N4BP1: variants seen among roughly 807,000 people sequenced by gnomAD.
N4BP1 encodes the protein NEDD4-binding protein 1.
A neutral mutation model predicts 70.9 loss-of-function variants in N4BP1; 21 were observed. The observed-to-expected ratio is 0.30, with a 90% CI of 0.21 to 0.43. The LOEUF (loss-of-function observed/expected upper bound fraction) is 0.43. N4BP1 is among the 20% of genes least tolerant of loss of function. The probability of loss-of-function intolerance (pLI) is 1.00; values close to 1 mark genes in which losing one functional copy is unlikely to be tolerated. For synonymous variants in N4BP1, 387 were observed against 394.6 expected, an observed-to-expected ratio of 0.98 and a Z score of 0.23; for missense variants, 936 against 1,069.4, an observed-to-expected ratio of 0.88 and a Z score of 1.74.
At chr16:48,577,324 GT>G (rs1384884648) in intron 1 of N4BP1, among the ~76,000 whole-genome samples, 1 of 150,024 alleles carries the variant, frequency 6.7e-6, no homozygotes, top group Non-Finnish European at 1.5e-5. Flanking sequence ...TGTTTTTTTT[GT>G]GTTTTTTGCT....
intron 2 of N4BP1, 187 bp downstream of exon 2, chr16:48,560,567 A>G: frequency 3.2e-6 from 2 of 633,654 alleles, no homozygotes; most frequent in Non-Finnish European, 5.2e-6. Context: ...AGTAAAGTTC[A>G]TGAATCCAGA....
intron 1 of N4BP1, among the ~76,000 whole-genome samples, chr16:48,586,966 C>G (rs1375051331): frequency 6.6e-6 from 1 of 152,144 alleles, no homozygotes; most frequent in Non-Finnish European, 1.5e-5. Flanking sequence ...CAAATAAACA[C>G]TGCTCCAATC....
rs528752601 is a variant in N4BP1, at chr16:48,593,070, G to A, written c.198+16705C>T. On this transcript the variant is annotated intron_variant, in intron 1 of 6. Coordinates refer to ENST00000262384, the MANE Select transcript of N4BP1 (RefSeq NM_153029.4). ...ATGTTATACAATTTAAAGATTATTA[G>A]GTCCCCTAAATATTTCATAAACTGC... Among the ~76,000 whole-genome samples, 18 of 152,124 alleles carry A rather than the reference G, an allele frequency of 1.2e-4. 1 individual carries two copies. In the South Asian group the frequency reaches 3.3e-3, roughly 28 times the overall value.
chr16:48,544,066 G>C (rs550681729), intron 6 of N4BP1, among the ~76,000 whole-genome samples: 4 of 152,184 alleles, frequency 2.6e-5, no homozygotes, highest in Non-Finnish European at 4.4e-5. Context: ...CACAGGCCTC[G>C]GGCCTGAAGC....
intron 2 of N4BP1, among the ~76,000 whole-genome samples, chr16:48,554,695 T>C (rs1356052044): frequency 4.6e-5 from 7 of 152,178 alleles, no homozygotes; most frequent in Non-Finnish European, 1.5e-5. Flanking sequence ...AGTCCTATCT[T>C]CTCTCCATGT....
At chr16:48,589,106 A>G (rs773390600) in intron 1 of N4BP1, among the ~76,000 whole-genome samples, 6 of 152,224 alleles carry the variant, frequency 3.9e-5, no homozygotes, top group Non-Finnish European at 8.8e-5. Flanking sequence ...TGTCTGGCAT[A>G]AAAGACAATC....
chr16:48,549,605 C>T (rs540164327), intron 4 of N4BP1, among the ~76,000 whole-genome samples: 1 of 152,344 alleles, frequency 6.6e-6, no homozygotes, highest in Admixed American at 6.5e-5. Flanking sequence ...TCACCTATCC[C>T]CCCCGGCACC....
intron 6 of N4BP1, among the ~76,000 whole-genome samples, chr16:48,545,407 T>TAA (rs113024280): frequency 6.9e-6 from 1 of 145,008 alleles, no homozygotes; most frequent in South Asian, 2.2e-4. Context: ...CCGTTTCTGC[T>TAA]AAAAAAAAAA....
intron 4 of N4BP1, among the ~76,000 whole-genome samples, chr16:48,549,610 G>A (rs990588498): frequency 2.6e-5 from 4 of 152,056 alleles, no homozygotes; most frequent in Non-Finnish European, 1.5e-5. Context: ...TATCCCCCCC[G>A]GCACCCACAT....
At chr16:48,590,549 C>A (rs1964321108) in intron 1 of N4BP1, among the ~76,000 whole-genome samples, 1 of 152,196 alleles carries the variant, frequency 6.6e-6, no homozygotes, top group Admixed American at 6.5e-5. Context: ...TTTGGTAGCA[C>A]CCCTCTGGCA....
chr16:48,589,868 T>C (rs1964307475), intron 1 of N4BP1, among the ~76,000 whole-genome samples: 1 of 152,206 alleles, frequency 6.6e-6, no homozygotes, highest in South Asian at 2.1e-4. Context: ...TTCTTGTTCA[T>C]TGCTGGGTGT....
chr16:48,587,711 TTACATAAGAATTTTATTTAATA>T, intron 1 of N4BP1, among the ~76,000 whole-genome samples: 1 of 152,200 alleles, frequency 6.6e-6, no homozygotes, highest in Non-Finnish European at 1.5e-5. Flanking sequence ...ATATCTGGAA[TTACATAAGAATTTTATTTAATA>T]AGGTATAGAA....
At chr16:48,585,897 C>T (rs1319662024) in intron 1 of N4BP1, among the ~76,000 whole-genome samples, 11 of 151,884 alleles carry the variant, frequency 7.2e-5, no homozygotes, top group Non-Finnish European at 1.2e-4. Context: ...GGTTTCATCA[C>T]GTTGGCCAGG....
rs1248341689 is a variant in N4BP1 at position 48,542,805 on chromosome 16, A to G, written c.*99T>C. ...TGTACAACTGCGTTTACACTGGGAA[A>G]TAAGTTTCTTCACATTATGTTCATT... On this transcript the variant is annotated 3_prime_UTR_variant, in exon 7 of 7. Transcript: ENST00000262384. 35 of 1,129,938 alleles carry G rather than the reference A, an allele frequency of 3.1e-5. No homozygotes were observed. Among genetic ancestry groups the G allele is most frequent in the Non-Finnish European group, 4.0e-5 (33 of 815,198 alleles). 70.0% of individuals were successfully genotyped at this position (1,129,938 alleles called of 1,614,324 possible). A position where few individuals can be genotyped will look rare whatever the true frequency, so the allele number is the denominator to read the frequency against.
At chr16:48,562,727 T>C (rs896466882) in intron 1 of N4BP1, among the ~76,000 whole-genome samples, 8 of 152,222 alleles carry the variant, frequency 5.3e-5, no homozygotes, top group Non-Finnish European at 1.0e-4. Flanking sequence ...AGCTACACAG[T>C]GAATAATCCC....
chr16:48,590,104 T>C lies in N4BP1; in HGVS notation c.198+19671A>G, dbSNP rs897107933. On this transcript the variant is annotated intron_variant, in intron 1 of 6. Coordinates refer to ENST00000262384, the MANE Select transcript of N4BP1 (RefSeq NM_153029.4). ...TTGCTCCTGGGGATAACATCACTAT[T>C]GTAAAACCTAAAATTAGTGGTTGAA... Among the ~76,000 whole-genome samples, 3 of 152,140 alleles carry C rather than the reference T, an allele frequency of 2.0e-5. No homozygotes were observed. In the South Asian group the frequency reaches 6.2e-4, roughly 32 times the overall value.
intron 1 of N4BP1, among the ~76,000 whole-genome samples, chr16:48,599,674 ATT>A (rs1398419635): frequency 1.3e-5 from 2 of 152,232 alleles, no homozygotes; most frequent in Non-Finnish European, 2.9e-5. Context: ...TGTAATCCAT[ATT>A]TTGTTTAGGG....
chr16:48,543,958 G>A (rs1030648013), intron 6 of N4BP1, among the ~76,000 whole-genome samples: 3 of 152,214 alleles, frequency 2.0e-5, no homozygotes, highest in Non-Finnish European at 4.4e-5. Context: ...TGAAAAGGCA[G>A]GCAGGACAGA....
At chr16:48,568,492 T>C (rs1963972498) in intron 1 of N4BP1, among the ~76,000 whole-genome samples, 2 of 152,210 alleles carry the variant, frequency 1.3e-5, no homozygotes, top group Admixed American at 1.3e-4. Context: ...TCTGAAGAAC[T>C]TTCCTTAGGA....
Sources: allele counts gnomAD v4.1 joint callset (sites outside exome capture counted in the v4.1 genomes callset), GRCh38; gene constraint gnomAD v4.1.1; transcripts MANE v1.5; gene names NCBI Gene and HGNC (gene_info 2026-07-23, HGNC 2026-07-21).